Variants in ALDH1A3 observed in about 807,000 individuals in gnomAD.
ALDH1A3 encodes aldehyde dehydrogenase 1 family member A3.
In ALDH1A3, 28 loss-of-function variants were observed where a neutral mutation model predicts 57.5. That is an observed-to-expected ratio of 0.49 (90% CI 0.36 to 0.67). The LOEUF (loss-of-function observed/expected upper bound fraction) is 0.67, where lower values mean the gene tolerates loss of function less well. Ranked by LOEUF, ALDH1A3 falls within the 30% of genes least tolerant of loss-of-function variation. ALDH1A3 has a pLI of 0.00. For synonymous variants in ALDH1A3, 281 were observed against 264.8 expected, an observed-to-expected ratio of 1.06 and a Z score of -0.59; for missense variants, 507 against 669.4, an observed-to-expected ratio of 0.76 and a Z score of 2.68.
intron 11 of ALDH1A3, among the ~76,000 whole-genome samples, chr15:100,907,844 CTTTTTTTTTT>C (rs71151987): frequency 4.9e-5 from 4 of 81,910 alleles, no homozygotes; most frequent in Non-Finnish European, 6.4e-5. Context: ...TTCTTTCTTT[CTTTTTTTTTT>C]TTTTTTTTTT....
At chr15:100,910,985 G>A (rs1000533237) in intron 12 of ALDH1A3, among the ~76,000 whole-genome samples, 1 of 152,264 alleles carries the variant, frequency 6.6e-6, no homozygotes, top group African/African-American at 2.4e-5. Context: ...GCCTGGCACA[G>A]AGCAGGGCTT....
intron 1 of ALDH1A3, among the ~76,000 whole-genome samples, chr15:100,882,558 G>T (rs112710477): frequency 0.024 from 3,610 of 152,226 alleles, 133 homozygotes; most frequent in African/African-American, 0.082. Context: ...TGGAAGTTAC[G>T]GGAAATCGGC....
chr15:100,880,214 T>C (rs2041532860), intron 1 of ALDH1A3: 5 of 399,908 alleles, frequency 1.3e-5, no homozygotes, highest in Non-Finnish European at 1.7e-5. Flanking sequence ...CTCGGCGCTG[T>C]GAGCCTCGAA....
At chr15:100,882,102 G>A (rs1567166617) in intron 1 of ALDH1A3, among the ~76,000 whole-genome samples, 2 of 152,260 alleles carry the variant, frequency 1.3e-5, no homozygotes, top group Non-Finnish European at 2.9e-5. Context: ...GAGCATGGGA[G>A]CCAGCAGTGG....
At chr15:100,896,402 C>T (rs573104150) in intron 7 of ALDH1A3, among the ~76,000 whole-genome samples, 1 of 151,788 alleles carries the variant, frequency 6.6e-6, no homozygotes, top group Admixed American at 6.5e-5. Context: ...GCAAAGTGCT[C>T]CTACAAGTCA....
intron 9 of ALDH1A3, among the ~76,000 whole-genome samples, chr15:100,902,597 C>T (rs555062832): frequency 3.9e-4 from 59 of 152,300 alleles, no homozygotes; most frequent in Admixed American, 7.8e-4. Context: ...GCCACCTGGC[C>T]GGGCAGGATC....
chr15:100,897,868 G>C (rs931927984), intron 7 of ALDH1A3, among the ~76,000 whole-genome samples: 1 of 152,216 alleles, frequency 6.6e-6, no homozygotes. Context: ...GAGCGGCTTA[G>C]ACCAAGGATC....
chr15:100,884,565 G>GTTTT (rs58072985), intron 1 of ALDH1A3, among the ~76,000 whole-genome samples: 19,129 of 139,628 alleles, frequency 0.14, 1,769 homozygotes, highest in East Asian at 0.43. Context: ...GTTTTTCTGG[G>GTTTT]TTTTTTTTTT....
chr15:100,880,100 G>A (rs1266681673), intron 1 of ALDH1A3, 94 bp downstream of exon 1: 1 of 949,944 alleles, frequency 1.1e-6, no homozygotes. Flanking sequence ...GCGGGCCGGG[G>A]GTCCGCCGGG....
chr15:100,902,665 C>G (rs995940733), intron 9 of ALDH1A3, among the ~76,000 whole-genome samples: 2 of 152,234 alleles, frequency 1.3e-5, no homozygotes, highest in African/African-American at 4.8e-5. Flanking sequence ...CTGTGGGGGC[C>G]GTATTTCCCT....
intron 8 of ALDH1A3, among the ~76,000 whole-genome samples, chr15:100,899,024 T>C (rs1265319532): frequency 6.6e-6 from 1 of 152,202 alleles, no homozygotes; most frequent in Non-Finnish European, 1.5e-5. Context: ...TCAGATAAGG[T>C]TGGAATTGCA....
intron 2 of ALDH1A3, among the ~76,000 whole-genome samples, chr15:100,885,813 C>G (rs907782291): frequency 1.3e-5 from 2 of 152,080 alleles, no homozygotes; most frequent in African/African-American, 2.4e-5. Flanking sequence ...AGTTGCTACC[C>G]GGGTGATGCG....
intron 9 of ALDH1A3, among the ~76,000 whole-genome samples, chr15:100,901,107 C>T (rs748239487): frequency 6.6e-5 from 10 of 152,224 alleles, no homozygotes; most frequent in African/African-American, 1.2e-4. Context: ...GAGTCTCAGT[C>T]GCAGCCCGAG....
rs905654728 is a variant in ALDH1A3 at position 100,909,017 on chromosome 15, C to T, written c.1466+535C>T. Among the ~76,000 whole-genome samples the T allele has an allele frequency of 2.6e-5, 4 of 151,526 alleles. No individual in the cohort carries two copies. In the East Asian group the frequency reaches 5.9e-4, roughly 22 times the overall value. Reference sequence around the variant, plus strand: ...AGCCTACTGCAAATCCCTCCACATGCGTGTGCAAACCCACTGCAAACCCCT... The same window carrying T: ...AGCCTACTGCAAATCCCTCCACATGTGTGTGCAAACCCACTGCAAACCCCT... On this transcript the variant is annotated intron_variant, in intron 12 of 12. Transcript: ENST00000329841.
chr15:100,911,232 C>G (rs1200136466), intron 12 of ALDH1A3, among the ~76,000 whole-genome samples: 1 of 152,204 alleles, frequency 6.6e-6, no homozygotes, highest in African/African-American at 2.4e-5. Context: ...AATGCTGGAG[C>G]ATCGTGCGGG....
At chr15:100,883,389 C>G (rs2041564214) in intron 1 of ALDH1A3, among the ~76,000 whole-genome samples, 1 of 152,222 alleles carries the variant, frequency 6.6e-6, no homozygotes, top group African/African-American at 2.4e-5. Flanking sequence ...TTAGTTTCAG[C>G]TGGAAGAATA....
At chr15:100,908,604 G>A (rs1365275607) in intron 12 of ALDH1A3, 122 bp downstream of exon 12, 2 of 875,994 alleles carry the variant, frequency 2.3e-6, no homozygotes, top group African/African-American at 1.7e-5. Context: ...CGCTCTGTCT[G>A]GGCCAGCTGT....
In ALDH1A3 at chr15:100,914,945, C is replaced by G. The variant is rs987833512; in HGVS notation, c.*172C>G. The G allele has an allele frequency of 3.6e-5, 23 of 644,790 alleles. No homozygotes were observed. The highest frequency in any genetic ancestry group is 8.2e-4 in the Middle Eastern group (2 of 2,426). The allele number at this position is 644,790 out of a possible 1,614,324, so 39.9% of individuals were successfully genotyped here. A position where few individuals can be genotyped will look rare whatever the true frequency, so the allele number is the denominator to read the frequency against. ...TCCTCTCACTCTCCTGTTTATTCAC[C>G]AGACTGGGGATGCCTATAGGTTGTC... On this transcript the variant is annotated 3_prime_UTR_variant, in exon 13 of 13. Transcript: ENST00000329841.
chr15:100,908,356 A>C, intron 11 of ALDH1A3, 52 bp from the exon 12 acceptor site: 5 of 1,514,386 alleles, frequency 3.3e-6, no homozygotes, highest in Non-Finnish European at 3.7e-6. Flanking sequence ...CAGTGCCAGG[A>C]GCCAGGGGGT....
Sources: allele counts gnomAD v4.1 joint callset (sites outside exome capture counted in the v4.1 genomes callset), GRCh38; gene constraint gnomAD v4.1.1; transcripts MANE v1.5; gene names NCBI Gene and HGNC (gene_info 2026-07-23, HGNC 2026-07-21).